GSG1L: variants seen among roughly 807,000 people sequenced by gnomAD.
The protein encoded by GSG1L is GSG1 like, also known as germ cell-specific gene 1-like protein.
A neutral mutation model predicts 42.1 loss-of-function variants in GSG1L; 24 were observed. The observed-to-expected ratio is 0.57, with a 90% CI of 0.41 to 0.80. The LOEUF (loss-of-function observed/expected upper bound fraction) is 0.80, where lower values mean the gene tolerates loss of function less well. Ranked by LOEUF, GSG1L falls within the 30% of genes least tolerant of loss-of-function variation. The pLI, the probability that GSG1L is intolerant of heterozygous loss-of-function variation, is 0.00. For synonymous variants in GSG1L, 215 were observed against 203.5 expected (o/e 1.06, Z -0.48); for missense variants, 445 against 472.2 (o/e 0.94, Z 0.53).
At chr16:27,845,202 G>T in intron 3 of GSG1L, 141 bp from the exon 4 acceptor site, 1 of 566,110 alleles carries the variant, frequency 1.8e-6, no homozygotes, top group Non-Finnish European at 3.2e-6. Flanking sequence ...AGGGAGGTCA[G>T]CAGGAACAGA....
chr16:27,993,237 C>T (rs552050902), intron 1 of GSG1L, among the ~76,000 whole-genome samples: 1 of 152,256 alleles, frequency 6.6e-6, no homozygotes, highest in South Asian at 2.1e-4. Context: ...CAACCTCCAC[C>T]TCCCGGGCTC....
At chr16:27,822,296 TTTC>T (rs1487807566) in intron 5 of GSG1L, among the ~76,000 whole-genome samples, 1 of 152,194 alleles carries the variant, frequency 6.6e-6, no homozygotes, top group Non-Finnish European at 1.5e-5. Context: ...CCCTGGTCTA[TTTC>T]TTCAGGCGTT....
intron 3 of GSG1L, among the ~76,000 whole-genome samples, chr16:27,846,848 T>C (rs775312526): frequency 6.6e-5 from 10 of 151,112 alleles, no homozygotes; most frequent in Non-Finnish European, 1.2e-4. Context: ...TCCCAGCTAC[T>C]CAGGAGGCTG....
intron 6 of GSG1L, among the ~76,000 whole-genome samples, chr16:27,801,659 C>T (rs953584090): frequency 2.6e-5 from 4 of 152,122 alleles, no homozygotes; most frequent in South Asian, 2.1e-4. Flanking sequence ...CCAAGAGGAC[C>T]GAGGCCATGT....
intron 2 of GSG1L, among the ~76,000 whole-genome samples, chr16:27,905,862 C>T (rs1309964617): frequency 1.3e-5 from 2 of 152,086 alleles, no homozygotes; most frequent in African/African-American, 2.4e-5. Context: ...CCCCCACCTT[C>T]CCACTCCCAC....
chr16:27,948,857 C>T (rs2084918159), intron 2 of GSG1L, among the ~76,000 whole-genome samples: 1 of 151,018 alleles, frequency 6.6e-6, no homozygotes, highest in Non-Finnish European at 1.5e-5. Flanking sequence ...GATCCGCCTG[C>T]CTCGGCCTCC....
intron 2 of GSG1L, among the ~76,000 whole-genome samples, chr16:27,921,438 C>T (rs1450377212): frequency 6.6e-6 from 1 of 152,196 alleles, no homozygotes; most frequent in Non-Finnish European, 1.5e-5. Flanking sequence ...TATTTAAACT[C>T]CATAGCCTTA....
intron 5 of GSG1L, among the ~76,000 whole-genome samples, chr16:27,822,775 G>A (rs1345480671): frequency 1.3e-5 from 2 of 152,126 alleles, no homozygotes; most frequent in African/African-American, 4.8e-5. Flanking sequence ...CTAGGTGCAG[G>A]GACAGAGTGG....
At position 27,865,137 on chromosome 16, in the gene GSG1L, C is replaced by T. The variant is rs576170432; in HGVS notation, c.550+19349G>A. On this transcript the variant is annotated intron_variant, in intron 3 of 6. Transcript: ENST00000447459. Reference sequence around the variant, plus strand: ...AGCCAGTCCAACTCTCACCCCCACACTCTGGGCTCCTGACCATACTGGGCT... The same window carrying T: ...AGCCAGTCCAACTCTCACCCCCACATTCTGGGCTCCTGACCATACTGGGCT... Among the ~76,000 whole-genome samples, 636 of 152,270 alleles carry T rather than the reference C, an allele frequency of 4.2e-3. 2 individuals carry two copies. Among genetic ancestry groups the T allele is most frequent in the African/African-American group, 0.012 (488 of 41,556 alleles).
At position 27,941,513 on chromosome 16, in the gene GSG1L, A is replaced by G. The variant is rs536193445; in HGVS notation, c.397+21643T>C. Among the ~76,000 whole-genome samples, 10 of 141,398 alleles carry G rather than the reference A, an allele frequency of 7.1e-5. 1 individual carries two copies. Among genetic ancestry groups the G allele is most frequent in the African/African-American group, 2.7e-4 (10 of 37,438 alleles). 92.8% of individuals were successfully genotyped at this position (141,398 alleles called of 152,430 possible). On this transcript the variant is annotated intron_variant, in intron 2 of 6. Transcript: ENST00000447459. ...TGGCTAAACCCCGTCTCTACTAAAA[A>G]TACAAAAAATTAGCTCGGCATGGTG...
intron 2 of GSG1L, among the ~76,000 whole-genome samples, chr16:27,959,066 C>T (rs150038165): frequency 1.2e-3 from 183 of 152,218 alleles, no homozygotes; most frequent in Non-Finnish European, 2.1e-3. Context: ...TCCTGGCAAA[C>T]AGCTGCTAAA....
At chr16:27,958,810 G>C (rs982279670) in intron 2 of GSG1L, among the ~76,000 whole-genome samples, 1 of 152,206 alleles carries the variant, frequency 6.6e-6, no homozygotes, top group East Asian at 1.9e-4. Flanking sequence ...AAGTAGCTGG[G>C]ATTACAGGTG....
rs927868153 is a variant in GSG1L, at chr16:27,789,808, T to C, written c.*1562A>G. On this transcript the variant is annotated 3_prime_UTR_variant, in exon 7 of 7. Transcript: ENST00000447459. Reference sequence around the variant, plus strand: ...AATGGATAGATAATGGATGGACAGATGATGGATGGATGGATGGGTGGATGG... The same window carrying C: ...AATGGATAGATAATGGATGGACAGACGATGGATGGATGGATGGGTGGATGG... 59 of 142,928 alleles carry C rather than the reference T, an allele frequency of 4.1e-4. No individual in the cohort carries two copies. The highest frequency in any genetic ancestry group is 4.0e-3 in the Admixed American group (54 of 13,572). The allele number at this position is 142,928 out of a possible 1,614,324, so 8.9% of individuals were successfully genotyped here.
chr16:27,980,236 GT>G (rs2085310734), intron 1 of GSG1L, among the ~76,000 whole-genome samples: 1 of 152,190 alleles, frequency 6.6e-6, no homozygotes, highest in Non-Finnish European at 1.5e-5. Flanking sequence ...CCAGGTCCTG[GT>G]TGGCAGCAGA....
chr16:27,804,232 G>A (rs2082930485), intron 6 of GSG1L, among the ~76,000 whole-genome samples: 1 of 151,928 alleles, frequency 6.6e-6, no homozygotes, highest in African/African-American at 2.4e-5. Context: ...GCCACCGTCG[G>A]CCCCTCCAGC....
intron 1 of GSG1L, among the ~76,000 whole-genome samples, chr16:28,004,512 C>CA: frequency 6.7e-6 from 1 of 149,324 alleles, no homozygotes; most frequent in South Asian, 2.1e-4. Context: ...GGGTAGCTTA[C>CA]ACTTATAATC....
chr16:27,991,083 G>A (rs2085450695), intron 1 of GSG1L, among the ~76,000 whole-genome samples: 1 of 152,214 alleles, frequency 6.6e-6, no homozygotes, highest in East Asian at 1.9e-4. Context: ...GGGTCTTACT[G>A]TGATTTTTCT....
At chr16:27,956,419 C>T (rs763307865) in intron 2 of GSG1L, among the ~76,000 whole-genome samples, 3 of 152,238 alleles carry the variant, frequency 2.0e-5, no homozygotes, top group Admixed American at 1.3e-4. Context: ...CTGGCTCCAG[C>T]TGCCACCCAT....
At chr16:27,864,369 G>A (rs113365000) in intron 3 of GSG1L, among the ~76,000 whole-genome samples, 28 of 152,308 alleles carry the variant, frequency 1.8e-4, no homozygotes, top group African/African-American at 6.0e-4. Context: ...ATGCTATCAA[G>A]GCAAAACGCA....
Sources: allele counts gnomAD v4.1 joint callset (sites outside exome capture counted in the v4.1 genomes callset), GRCh38; gene constraint gnomAD v4.1.1; transcripts MANE v1.5; gene names NCBI Gene and HGNC (gene_info 2026-07-23, HGNC 2026-07-21).